Variants in TNIK observed in about 807,000 individuals in gnomAD.
The protein encoded by TNIK is TRAF2 and NCK interacting kinase, also known as TRAF2 and NCK-interacting protein kinase.
In TNIK, 49 loss-of-function variants were observed where a neutral mutation model predicts 191.3. That is an observed-to-expected ratio of 0.26 (90% CI 0.20 to 0.32). The LOEUF is 0.32. Ranked by LOEUF, TNIK falls within the 10% of genes least tolerant of loss-of-function variation. TNIK has a pLI of 1.00. For synonymous variants in TNIK, 594 were observed against 600.9 expected (o/e 0.99, Z 0.17); for missense variants, 1,155 against 1,702.3 (o/e 0.68, Z 5.66).
At chr3:171,103,669 T>C (rs1164282528) in intron 21 of TNIK, among the ~76,000 whole-genome samples, 1 of 152,132 alleles carries the variant, frequency 6.6e-6, no homozygotes, top group African/African-American at 2.4e-5. Context: ...ATTTAAAATG[T>C]TACTTGTTAT....
At chr3:171,449,603 A>AC (rs1727932826) in intron 1 of TNIK, among the ~76,000 whole-genome samples, 1 of 152,006 alleles carries the variant, frequency 6.6e-6, no homozygotes, top group African/African-American at 2.4e-5. Flanking sequence ...ATAGGAAAAA[A>AC]CTACTAAGCC....
rs188342501 is a variant in TNIK at position 171,338,462 on chromosome 3, G to A, written c.123+31158C>T. Among the ~76,000 whole-genome samples the A allele has an allele frequency of 5.3e-5, 8 of 152,086 alleles. No homozygotes were observed. The East Asian group carries it at 1.5e-3, about 29-fold the overall frequency. ...AAAATTTATTGAATGCTTACTATGT[G>A]TGCCAAGAAATGTGCTTAACTCTTT... On this transcript the variant is annotated intron_variant, in intron 2 of 32. Coordinates refer to ENST00000436636, the MANE Select transcript of TNIK (RefSeq NM_015028.4).
chr3:171,322,000 T>G (rs1012687094), intron 2 of TNIK, among the ~76,000 whole-genome samples: 1 of 152,172 alleles, frequency 6.6e-6, no homozygotes, highest in Non-Finnish European at 1.5e-5. Context: ...TAGTCAGAAA[T>G]GTATTCTAAA....
intron 1 of TNIK, among the ~76,000 whole-genome samples, chr3:171,373,517 A>T (rs901805416): frequency 6.6e-6 from 1 of 152,082 alleles, no homozygotes; most frequent in Non-Finnish European, 1.5e-5. Flanking sequence ...TTTTTCTGGG[A>T]CCATTTGCTT....
intron 2 of TNIK, among the ~76,000 whole-genome samples, chr3:171,244,211 C>A (rs949937989): frequency 3.4e-4 from 52 of 151,840 alleles, no homozygotes; most frequent in African/African-American, 1.2e-3. Context: ...ACTACAGGCG[C>A]CCGCCACCAC....
chr3:171,310,067 C>T (rs1232697042), intron 2 of TNIK, among the ~76,000 whole-genome samples: 1 of 152,026 alleles, frequency 6.6e-6, no homozygotes, highest in East Asian at 1.9e-4. Context: ...TGTTAGTTAC[C>T]ACCTTTACTT....
chr3:171,126,884 G>A (rs938736370), intron 16 of TNIK, among the ~76,000 whole-genome samples: 5 of 152,232 alleles, frequency 3.3e-5, no homozygotes, highest in African/African-American at 1.2e-4. Flanking sequence ...AGGGAAGACA[G>A]GCAGTCTTTC....
intron 18 of TNIK, among the ~76,000 whole-genome samples, chr3:171,115,755 T>C (rs1299336668): frequency 6.6e-6 from 1 of 152,170 alleles, no homozygotes; most frequent in East Asian, 1.9e-4. Context: ...GAGGAGAATG[T>C]GTACCTCCCA....
In TNIK at chr3:171,210,537, G is replaced by T. The variant is rs7644619; in HGVS notation, c.306+579C>A. 2.5e-3 allele frequency among the ~76,000 whole-genome samples: 376 copies of T among 152,254 alleles called. 1 individual carries two copies. Among genetic ancestry groups the T allele is most frequent in the African/African-American group, 8.3e-3 (346 of 41,550 alleles). On this transcript the variant is annotated intron_variant, in intron 4 of 32. Transcript: ENST00000436636. ...GAAACATGAAAGGAAAACAACCTTT[G>T]CAGAGTCCCTACTTGGTACCAGACA... is the stretch of plus-strand genomic sequence containing the variant.
intron 13 of TNIK, 35 bp downstream of exon 13, chr3:171,140,364 G>A: frequency 2.0e-6 from 3 of 1,506,724 alleles, no homozygotes; most frequent in Non-Finnish European, 2.7e-6. Flanking sequence ...GGGTCCCCGG[G>A]GGGCCATCAG....
At chr3:171,280,917 C>T (rs1484766975) in intron 2 of TNIK, among the ~76,000 whole-genome samples, 1 of 152,110 alleles carries the variant, frequency 6.6e-6, no homozygotes, top group Non-Finnish European at 1.5e-5. Context: ...GACCATGGCT[C>T]TACAGGAATA....
chr3:171,186,149 T>A (rs1166621015), intron 7 of TNIK, among the ~76,000 whole-genome samples: 1 of 152,244 alleles, frequency 6.6e-6, no homozygotes, highest in Non-Finnish European at 1.5e-5. Flanking sequence ...AGTGAATGAA[T>A]AAATGATTTT....
chr3:171,152,947 A>G (rs1438384389), intron 12 of TNIK, among the ~76,000 whole-genome samples: 1 of 151,186 alleles, frequency 6.6e-6, no homozygotes, highest in East Asian at 1.9e-4. Context: ...ATTTTTTTGT[A>G]TTTTTAGTAG....
At chr3:171,334,875 C>T (rs201215015) in intron 2 of TNIK, among the ~76,000 whole-genome samples, 1 of 146,022 alleles carries the variant, frequency 6.8e-6, no homozygotes, top group African/African-American at 2.5e-5. Flanking sequence ...TTATAAGTTT[C>T]TTTTTTTTTT....
At chr3:171,222,876 T>C (rs1030474605) in intron 3 of TNIK, among the ~76,000 whole-genome samples, 1 of 152,060 alleles carries the variant, frequency 6.6e-6, no homozygotes, top group Non-Finnish European at 1.5e-5. Context: ...GCTCTAGTAG[T>C]AGTTTGAGGA....
chr3:171,399,778 C>T (rs1172008458), intron 1 of TNIK, among the ~76,000 whole-genome samples: 1 of 152,122 alleles, frequency 6.6e-6, no homozygotes, highest in Non-Finnish European at 1.5e-5. Flanking sequence ...TGTTTAGTGG[C>T]ATGTATATCT....
chr3:171,146,372 C>G (rs1223318357), intron 12 of TNIK, among the ~76,000 whole-genome samples: 1 of 152,196 alleles, frequency 6.6e-6, no homozygotes, highest in East Asian at 1.9e-4. Flanking sequence ...AATCTTGGCC[C>G]TGGTCCATCT....
intron 2 of TNIK, among the ~76,000 whole-genome samples, chr3:171,247,859 A>G (rs189658172): frequency 1.3e-5 from 2 of 152,078 alleles, no homozygotes; most frequent in Admixed American, 6.6e-5. Context: ...CAATGCAGGG[A>G]CAGACATCAG....
At chr3:171,438,682 C>T (rs972564194) in intron 1 of TNIK, among the ~76,000 whole-genome samples, 2 of 152,170 alleles carry the variant, frequency 1.3e-5, no homozygotes, top group African/African-American at 4.8e-5. Context: ...TAAGGATTAA[C>T]ATTAACCAGG....
Sources: allele counts gnomAD v4.1 joint callset (sites outside exome capture counted in the v4.1 genomes callset), GRCh38; gene constraint gnomAD v4.1.1; transcripts MANE v1.5; gene names NCBI Gene and HGNC (gene_info 2026-07-23, HGNC 2026-07-21).